Variants in ZNF423 observed in about 807,000 individuals in gnomAD.
ZNF423 encodes the protein Ebf-associated zinc finger protein.
A neutral mutation model predicts 95.8 loss-of-function variants in ZNF423; 12 were observed. The ratio of observed to expected loss-of-function variants is 0.13; its 90% CI spans 0.08 to 0.20. ZNF423 has a LOEUF of 0.20. ZNF423 is among the 10% of genes least tolerant of loss of function. The pLI is 1.00. For missense variants in ZNF423, 1,316 were observed against 1,737.1 expected (o/e 0.76, Z 4.31); for synonymous variants, 749 against 711.9 (o/e 1.05, Z -0.83).
At chr16:49,574,736 C>T (rs927650116) in intron 5 of ZNF423, among the ~76,000 whole-genome samples, 2 of 152,176 alleles carry the variant, frequency 1.3e-5, no homozygotes, top group African/African-American at 4.8e-5. Flanking sequence ...CCTCGCCCTG[C>T]CCTGCTCCCT....
intron 5 of ZNF423, among the ~76,000 whole-genome samples, chr16:49,565,894 G>A (rs750125255): frequency 2.6e-5 from 4 of 151,548 alleles, no homozygotes; most frequent in African/African-American, 4.9e-5. Context: ...AGAGGGGGAG[G>A]GTTAAGAAAG....
intron 3 of ZNF423, among the ~76,000 whole-genome samples, chr16:49,727,286 C>A (rs1402332472): frequency 6.6e-6 from 1 of 152,126 alleles, no homozygotes; most frequent in Non-Finnish European, 1.5e-5. Context: ...TTCTCGAGCT[C>A]CCAACTGGAA....
chr16:49,560,806 C>T (rs1338587528), intron 5 of ZNF423, among the ~76,000 whole-genome samples: 1 of 152,226 alleles, frequency 6.6e-6, no homozygotes, highest in East Asian at 1.9e-4. Flanking sequence ...GAAGACAAGC[C>T]AGTGTTGCTA....
At chr16:49,646,443 G>A (rs1237722031) in intron 3 of ZNF423, among the ~76,000 whole-genome samples, 1 of 152,120 alleles carries the variant, frequency 6.6e-6, no homozygotes, top group Non-Finnish European at 1.5e-5. Context: ...ACTAGCATCA[G>A]TGTATTGAGG....
At chr16:49,772,253 A>G (rs1566897) in intron 2 of ZNF423, among the ~76,000 whole-genome samples, 108,404 of 152,126 alleles carry the variant, frequency 0.71, 39,306 homozygotes, top group African/African-American at 0.84. Context: ...AACAAAGAGA[A>G]CAAATTCACC....
intron 5 of ZNF423, among the ~76,000 whole-genome samples, chr16:49,575,570 C>G (rs1970471617): frequency 6.6e-6 from 1 of 152,162 alleles, no homozygotes; most frequent in African/African-American, 2.4e-5. Context: ...ATAGGCCCGA[C>G]TGTGCCTAGG....
chr16:49,496,381 C>T (rs771602178), intron 7 of ZNF423, among the ~76,000 whole-genome samples: 7 of 152,132 alleles, frequency 4.6e-5, no homozygotes, highest in East Asian at 3.9e-4. Flanking sequence ...GGATCCCTCA[C>T]GGACAGCTTG....
chr16:49,539,059 G>A (rs1358597077), intron 5 of ZNF423, among the ~76,000 whole-genome samples: 1 of 152,170 alleles, frequency 6.6e-6, no homozygotes, highest in African/African-American at 2.4e-5. Context: ...ATCATGTCCC[G>A]TGGGAAGAGA....
intron 3 of ZNF423, among the ~76,000 whole-genome samples, chr16:49,655,495 A>G (rs9972721): frequency 2.8e-3 from 422 of 152,328 alleles, no homozygotes; most frequent in African/African-American, 9.7e-3. Flanking sequence ...GTGCCCCTGC[A>G]GGAGAAAACC....
At chr16:49,835,476 A>C (rs1458893260) in intron 1 of ZNF423, among the ~76,000 whole-genome samples, 1 of 152,170 alleles carries the variant, frequency 6.6e-6, no homozygotes, top group Admixed American at 6.5e-5. Context: ...GAAATGGCAA[A>C]CAGCGACGCC....
intron 2 of ZNF423, among the ~76,000 whole-genome samples, chr16:49,735,962 G>GTTACGTA (rs1567319064): frequency 6.6e-6 from 1 of 152,212 alleles, no homozygotes; most frequent in Non-Finnish European, 1.5e-5. Flanking sequence ...GGGATGGTTT[G>GTTACGTA]TTACGTAGCA....
chr16:49,811,304 T>C (rs1597031048), intron 1 of ZNF423, among the ~76,000 whole-genome samples: 1 of 150,558 alleles, frequency 6.6e-6, no homozygotes, highest in South Asian at 2.2e-4. Context: ...CCCAAGAAAG[T>C]CAAGGCTCAG....
intron 3 of ZNF423, 88 bp downstream of exon 3, chr16:49,730,683 C>A (rs1474233330): frequency 2.2e-6 from 3 of 1,373,652 alleles, no homozygotes; most frequent in African/African-American, 2.9e-5. Flanking sequence ...ATTATTAATT[C>A]TTTAATCTCA....
chr16:49,805,245 T>C (rs1174488936), intron 1 of ZNF423, among the ~76,000 whole-genome samples: 2 of 152,138 alleles, frequency 1.3e-5, no homozygotes, highest in East Asian at 3.9e-4. Flanking sequence ...TTCTCCCACC[T>C]TCCAGTTCAC....
chr16:49,696,424 G>A (rs551921603), intron 3 of ZNF423, among the ~76,000 whole-genome samples: 15 of 152,218 alleles, frequency 9.9e-5, no homozygotes, highest in Non-Finnish European at 1.6e-4. Flanking sequence ...AAGGCTACCA[G>A]AGAAGGACCT....
intron 1 of ZNF423, among the ~76,000 whole-genome samples, chr16:49,815,169 G>C (rs189865770): frequency 1.2e-4 from 18 of 152,076 alleles, no homozygotes; most frequent in Non-Finnish European, 2.1e-4. Flanking sequence ...GGGTCAAAGA[G>C]GGCCTACCTT....
At chr16:49,847,297 C>A (rs1275829421) in intron 1 of ZNF423, 1 of 152,228 alleles carries the variant, frequency 6.6e-6, no homozygotes, top group Non-Finnish European at 1.5e-5. Flanking sequence ...TTGTCATAGA[C>A]AAACTGGCCT....
At chr16:49,687,717 T>A (rs1269010230) in intron 3 of ZNF423, among the ~76,000 whole-genome samples, 2 of 152,058 alleles carry the variant, frequency 1.3e-5, no homozygotes, top group Non-Finnish European at 2.9e-5. Context: ...AGAAGAAAAG[T>A]TTTGAAGGCC....
intron 3 of ZNF423, among the ~76,000 whole-genome samples, chr16:49,691,154 T>TCA (rs2031765594): frequency 1.3e-5 from 2 of 151,874 alleles, no homozygotes; most frequent in Admixed American, 1.3e-4. Context: ...ACATAGAGAG[T>TCA]GGGTTCATCT....
Sources: gnomAD v4.1 joint callset for allele counts (sites outside exome capture counted in the v4.1 genomes callset) on GRCh38, gnomAD v4.1.1 for gene constraint, MANE v1.5 for transcripts, NCBI Gene and HGNC (gene_info 2026-07-23, HGNC 2026-07-21) for gene names.